MAP4K5: variants seen among roughly 807,000 people sequenced by gnomAD.
MAP4K5 encodes mitogen-activated protein kinase kinase kinase kinase 5.
Under a neutral mutation model 135.6 loss-of-function variants are expected in MAP4K5, and 82 were observed. That is an observed-to-expected ratio of 0.60 (90% confidence interval 0.51 to 0.73). The LOEUF (loss-of-function observed/expected upper bound fraction) is 0.73, where lower values mean the gene tolerates loss of function less well. Ranked by LOEUF, MAP4K5 falls within the 30% of genes least tolerant of loss-of-function variation. The pLI, the probability that MAP4K5 is intolerant of heterozygous loss-of-function variation, is 0.00. For synonymous variants in MAP4K5, 347 were observed against 335.0 expected (o/e 1.04, Z -0.39); for missense variants, 907 against 1,010.9 (o/e 0.90, Z 1.39).
rs56877870 is a variant in MAP4K5, at chr14:50,463,891, C to CA, written c.819+160dup. Among the ~76,000 whole-genome samples, 15 of 70,396 alleles carry CA rather than the reference C, an allele frequency of 2.1e-4. 1 individual carries two copies. The highest frequency in any genetic ancestry group is 9.0e-4 in the African/African-American group (15 of 16,678). 46.2% of individuals were successfully genotyped at this position (70,396 alleles called of 152,430 possible). A position where few individuals can be genotyped will look rare whatever the true frequency, so the allele number is the denominator to read the frequency against. ...GGGTGACAGAGTGAGACCCTGTTTCCAAAAAAAAAAAAAAAAAAAAAAAAA... is the reference window on the plus strand; with the variant it reads ...GGGTGACAGAGTGAGACCCTGTTTCCAAAAAAAAAAAAAAAAAAAAAAAAAA... On this transcript the variant is annotated intron_variant, in intron 12 of 32. Transcript: ENST00000682126.
chr14:50,514,968 A>T (rs1402712898), intron 2 of MAP4K5, among the ~76,000 whole-genome samples: 3 of 151,040 alleles, frequency 2.0e-5, no homozygotes, highest in Non-Finnish European at 4.4e-5. Context: ...CAGTGGCGTA[A>T]TCTTGGCTCA....
chr14:50,463,380 T>C (rs1404378245), intron 12 of MAP4K5, among the ~76,000 whole-genome samples: 3 of 152,194 alleles, frequency 2.0e-5, no homozygotes, highest in African/African-American at 7.2e-5. Context: ...TAAAGTTTTC[T>C]CTAAGGCAGG....
At chr14:50,527,974 A>G (rs2038303443) in intron 2 of MAP4K5, among the ~76,000 whole-genome samples, 1 of 152,208 alleles carries the variant, frequency 6.6e-6, no homozygotes, top group Non-Finnish European at 1.5e-5. Flanking sequence ...GAACTGTATC[A>G]TGATGCTGTA....
chr14:50,441,142 G>A (rs961619547), intron 21 of MAP4K5, among the ~76,000 whole-genome samples: 1 of 152,174 alleles, frequency 6.6e-6, no homozygotes, highest in Admixed American at 6.5e-5. Context: ...TGGGAAAGAA[G>A]ATAAACTGTC....
intron 2 of MAP4K5, among the ~76,000 whole-genome samples, chr14:50,514,594 G>T (rs568675414): frequency 1.3e-5 from 2 of 152,254 alleles, no homozygotes; most frequent in Admixed American, 6.5e-5. Context: ...AACATTGGAG[G>T]ATTCTGAGCC....
intron 23 of MAP4K5, among the ~76,000 whole-genome samples, chr14:50,439,780 C>A (rs2036184746): frequency 6.6e-6 from 1 of 152,016 alleles, no homozygotes; most frequent in Non-Finnish European, 1.5e-5. Flanking sequence ...CACTGTGATA[C>A]CCTTCAGGTG....
At chr14:50,461,574 A>G (rs1566656196) in intron 13 of MAP4K5, among the ~76,000 whole-genome samples, 1 of 152,164 alleles carries the variant, frequency 6.6e-6, no homozygotes, top group Admixed American at 6.5e-5. Context: ...ATACCTGTCA[A>G]TGAAGAGGAA....
intron 3 of MAP4K5, among the ~76,000 whole-genome samples, chr14:50,490,474 T>C (rs907414181): frequency 9.2e-5 from 14 of 152,220 alleles, no homozygotes; most frequent in African/African-American, 2.9e-4. Context: ...ATTAAGCATG[T>C]TCAGTAACCA....
chr14:50,426,065 C>A (rs1462682572), intron 30 of MAP4K5, 88 bp from the exon 31 acceptor site: 2 of 813,520 alleles, frequency 2.5e-6, no homozygotes, highest in Non-Finnish European at 2.0e-6. Context: ...ATAATATAAG[C>A]CTATTCAAGT....
Position 50,461,638 on chromosome 14 carries a change from AG to A in MAP4K5, c.936+1026del, listed in dbSNP as rs570571280. Among the ~76,000 whole-genome samples, 564 of 152,204 alleles carry A rather than the reference AG, an allele frequency of 3.7e-3. 6 individuals carry two copies. The highest frequency in any genetic ancestry group is 0.013 in the African/African-American group (545 of 41,554). The stretch of plus-strand genomic sequence containing the variant: ...TGTGTTGTTATAGAAAATACATTAC[AG>A]GCCAAGCATGGTGGCTCACGCCTGT... On this transcript the variant is annotated intron_variant, in intron 13 of 32. Transcript: ENST00000682126.
At chr14:50,495,284 A>G (rs2037568919) in intron 3 of MAP4K5, among the ~76,000 whole-genome samples, 2 of 152,240 alleles carry the variant, frequency 1.3e-5, no homozygotes, top group Admixed American at 6.5e-5. Context: ...CATTTATCCA[A>G]AGATGACCTG....
At chr14:50,468,505 A>C in intron 10 of MAP4K5, 146 bp downstream of exon 10, 1 of 731,586 alleles carries the variant, frequency 1.4e-6, no homozygotes, top group Non-Finnish European at 2.2e-6. Context: ...AGCCCACAAT[A>C]GGTTTTGGAT....
At chr14:50,432,846 T>C (rs1270458415) in intron 28 of MAP4K5, among the ~76,000 whole-genome samples, 6 of 151,444 alleles carry the variant, frequency 4.0e-5, no homozygotes, top group Non-Finnish European at 5.9e-5. Flanking sequence ...TCTTTCTTTC[T>C]TTTTTTTTGA....
intron 8 of MAP4K5, 70 bp from the exon 9 acceptor site, chr14:50,475,219 T>C (rs2037068897): frequency 9.0e-7 from 1 of 1,114,230 alleles, no homozygotes; most frequent in South Asian, 1.3e-5. Context: ...CTTTCGCCCT[T>C]AGGCATGGCA....
rs1416537818 is a variant in MAP4K5 at position 50,558,011 on chromosome 14, A to AT, written c.-180+3028dup. Among the ~76,000 whole-genome samples the AT allele has an allele frequency of 3.9e-5, 6 of 152,348 alleles. No individual in the cohort carries two copies. In the East Asian group the frequency reaches 1.2e-3, roughly 29 times the overall value. On this transcript the variant is annotated intron_variant, in intron 1 of 8. Transcript: ENST00000555216. ...TAGGGGAATTTAGGCATTAAAAAGA[A>AT]TGGTGATGCATAGCACAATTTTTTT...
chr14:50,501,757 C>G (rs929958048), intron 3 of MAP4K5, among the ~76,000 whole-genome samples: 1 of 152,062 alleles, frequency 6.6e-6, no homozygotes, highest in East Asian at 1.9e-4. Flanking sequence ...AATGATTAAA[C>G]ATGGAGGATG....
chr14:50,456,739 A>G, intron 13 of MAP4K5, 145 bp from the exon 14 acceptor site: 2 of 591,136 alleles, frequency 3.4e-6, no homozygotes, highest in Non-Finnish European at 5.9e-6. Flanking sequence ...TGAACGCTAC[A>G]ATACTTCGGA....
chr14:50,439,966 C>T, intron 23 of MAP4K5, 47 bp downstream of exon 23: 2 of 1,398,364 alleles, frequency 1.4e-6, no homozygotes, highest in Non-Finnish European at 1.9e-6. Context: ...ATTAAAATTA[C>T]ATTTCTCTGC....
chr14:50,442,749 A>T lies in MAP4K5; in HGVS notation c.1547T>A (p.Ile516Lys), dbSNP rs761382251. The change falls in exon 21 of 33, where the codon ATA becomes AAA. Residue 516 changes from isoleucine to lysine, a missense_variant. Transcript: ENST00000682126. ...PLKINCATSW[I>K]HPDTKDQYII... ...CATTTTACCTTTTGTATCAGGATGT[A>T]TCCAGGATGTTGCACAATTAATTTT... is the stretch of plus-strand genomic sequence containing the variant. The T allele has an allele frequency of 4.6e-5, 73 of 1,598,640 alleles. No individual in the cohort carries two copies. The highest frequency in any genetic ancestry group is 6.1e-5 in the Non-Finnish European group (71 of 1,172,376).
Sources: gnomAD v4.1 joint callset for allele counts (sites outside exome capture counted in the v4.1 genomes callset) on GRCh38, gnomAD v4.1.1 for gene constraint, MANE v1.5 for transcripts, NCBI Gene and HGNC (gene_info 2026-07-23, HGNC 2026-07-21) for gene names.